RGP1: variants seen among roughly 807,000 people sequenced by gnomAD.
The protein encoded by RGP1 is RAB6A-GEF complex partner protein 2.
In RGP1, 28 loss-of-function variants were observed where a neutral mutation model predicts 44.5. The ratio of observed to expected loss-of-function variants is 0.63; its 90% CI spans 0.47 to 0.86. The LOEUF (loss-of-function observed/expected upper bound fraction) is 0.86. RGP1 is among the 40% of genes least tolerant of loss of function. The pLI, the probability that RGP1 is intolerant of heterozygous loss-of-function variation, is 0.00. For missense variants in RGP1, 417 were observed against 490.7 expected (o/e 0.85, Z 1.42); for synonymous variants, 212 against 196.7 (o/e 1.08, Z -0.65).
At chr9:35,751,213 A>C (rs1827256721) in intron 5 of RGP1, 53 bp from the exon 6 acceptor site, 1 of 1,599,934 alleles carries the variant, frequency 6.3e-7, no homozygotes, top group African/African-American at 1.3e-5. Flanking sequence ...CCTAACCTCT[A>C]CTCTCATCTC....
the RGP1 span, among the ~76,000 whole-genome samples, chr9:35,776,776 A>G: frequency 6.6e-6 from 1 of 151,850 alleles, no homozygotes; most frequent in Non-Finnish European, 1.5e-5. Flanking sequence ...TGAGCAGATC[A>G]TGAGGTCAGG....
chr9:35,760,247 C>A (rs1424456756), downstream of RGP1, among the ~76,000 whole-genome samples: 1 of 151,576 alleles, frequency 6.6e-6, no homozygotes, highest in East Asian at 1.9e-4. Context: ...TGGATTGGGG[C>A]TGATGGGCGG....
chr9:35,751,420 T>C lies in RGP1; in HGVS notation c.634+8T>C, dbSNP rs1827262275. 6.2e-7 allele frequency: 1 copy of C among 1,613,982 alleles called. No homozygotes were observed. Among genetic ancestry groups the C allele is most frequent in the Admixed American group, 1.7e-5 (1 of 60,020 alleles). ...CATCCTGCCGCAGCCTCCGTGAGAA[T>C]TCTTTCAGAATTGTCCTACCCCATC... On this transcript the variant is annotated splice_region_variant and intron_variant, in intron 6 of 8. Transcript: ENST00000378078.
the RGP1 span, among the ~76,000 whole-genome samples, chr9:35,787,452 A>G: frequency 6.6e-6 from 1 of 151,574 alleles, no homozygotes; most frequent in South Asian, 2.1e-4. Context: ...CTGATCTTGA[A>G]CTCCTTACCT....
At chr9:35,784,965 G>A in the RGP1 span, among the ~76,000 whole-genome samples, 1 of 152,080 alleles carries the variant, frequency 6.6e-6, no homozygotes, top group African/African-American at 2.4e-5. Context: ...GGATATGGTG[G>A]GGAAAGACAG....
In RGP1 at chr9:35,749,879, T is replaced by A. The variant is rs762560122; in HGVS notation, c.116+8T>A. The A allele has an allele frequency of 1.9e-6, 3 of 1,594,136 alleles. No individual in the cohort carries two copies. In the South Asian group the frequency reaches 3.3e-5, roughly 18 times the overall value. ...GGCCACTTCTGCATCCAGGTGGGGATGCTGGCACTGAAGGTGGTGGCCCTT... is the reference window on the plus strand; with the variant it reads ...GGCCACTTCTGCATCCAGGTGGGGAAGCTGGCACTGAAGGTGGTGGCCCTT... On this transcript the variant is annotated splice_region_variant and intron_variant, in intron 2 of 8. Transcript: ENST00000378078. The surrounding 1 kb of genome is among the most constrained non-coding windows in gnomAD (Gnocchi z 4.4).
At chr9:35,780,409 G>A in the RGP1 span, 1 of 152,212 alleles carries the variant, frequency 6.6e-6, no homozygotes, top group Non-Finnish European at 1.5e-5. Flanking sequence ...AGGTACAAAG[G>A]AGACATTTGT....
intron 8 of RGP1, 106 bp downstream of exon 8, chr9:35,752,251 C>A: frequency 1.8e-6 from 2 of 1,114,058 alleles, no homozygotes; most frequent in Non-Finnish European, 2.5e-6. Context: ...CCAGACATAC[C>A]CACGTCTAGC....
the RGP1 span, among the ~76,000 whole-genome samples, chr9:35,770,837 TAATA>T: frequency 6.6e-6 from 1 of 152,188 alleles, no homozygotes; most frequent in Non-Finnish European, 1.5e-5. Flanking sequence ...AGCATCTCCC[TAATA>T]AATAGAGCAG....
the RGP1 span, among the ~76,000 whole-genome samples, chr9:35,763,812 A>G: frequency 7.1e-6 from 1 of 139,914 alleles, no homozygotes; most frequent in African/African-American, 2.6e-5. Context: ...AACCTGGGAG[A>G]TGGAGATTGC....
chr9:35,782,210 A>G, the RGP1 span, among the ~76,000 whole-genome samples: 3 of 152,054 alleles, frequency 2.0e-5, no homozygotes, highest in Non-Finnish European at 2.9e-5. Context: ...AATTATGTGT[A>G]GAGATAGGTT....
chr9:35,768,702 T>G, the RGP1 span, among the ~76,000 whole-genome samples: 2 of 152,108 alleles, frequency 1.3e-5, no homozygotes, highest in Non-Finnish European at 2.9e-5. Context: ...GGCCTGGAGA[T>G]CTTAAGAAGC....
Position 35,753,280 on chromosome 9 carries a change from C to A in RGP1, c.*406C>A. 4 of 1,613,082 alleles carry A rather than the reference C, an allele frequency of 2.5e-6. No individual in the cohort carries two copies. Among genetic ancestry groups the A allele is most frequent in the Non-Finnish European group, 3.4e-6 (4 of 1,179,862 alleles). On this transcript the variant is annotated 3_prime_UTR_variant, in exon 9 of 9. Coordinates refer to ENST00000378078, the MANE Select transcript of RGP1 (RefSeq NM_001080496.3). This position sits in a 1 kb window ranked among gnomAD's most constrained non-coding sequence, Gnocchi z 4.2. ...CCGGGAAGTCGATGGGATGCTGGGA[C>A]CTGGGGAACCAAGGATAGGGGAAGG...
At chr9:35,770,666 G>C in the RGP1 span, among the ~76,000 whole-genome samples, 1 of 152,198 alleles carries the variant, frequency 6.6e-6, no homozygotes, top group Non-Finnish European at 1.5e-5. Flanking sequence ...AACCTGGACA[G>C]TGTGGTGTCA....
rs770459283 is a variant in RGP1, at chr9:35,750,374, A to G, written c.248A>G (p.His83Arg). 1.2e-6 allele frequency: 2 copies of G among 1,613,720 alleles called. No homozygotes were observed. Among genetic ancestry groups the G allele is most frequent in the African/African-American group, 2.7e-5 (2 of 74,892 alleles). The stretch of plus-strand genomic sequence containing the variant: ...GACAGCCAGACTGTCTTTCTGCCAC[A>G]CCGAGGTTAGAGAGGGGCATTTGCC... ...QPDSQTVFLP[H>R]RGERGQCILS... The change falls in exon 3 of 9, where the codon CAC (histidine) becomes CGC (arginine). Residue 83 changes from histidine (H) to arginine (R), a missense_variant. By Grantham distance (29) the His-to-Arg change is conservative. Transcript: ENST00000378078.
At chr9:35,752,402 C>G (rs1827282292) in intron 8 of RGP1, among the ~76,000 whole-genome samples, 1 of 152,204 alleles carries the variant, frequency 6.6e-6, no homozygotes, top group Admixed American at 6.5e-5. Context: ...TTTTTGATTA[C>G]TTCATGCTAC....
the RGP1 span, among the ~76,000 whole-genome samples, chr9:35,768,047 C>T: frequency 6.6e-5 from 10 of 152,010 alleles, no homozygotes; most frequent in East Asian, 9.7e-4. Flanking sequence ...GTGATCTGCC[C>T]GCCTCAGCCT....
chr9:35,759,705 G>A (rs576694021), downstream of RGP1, among the ~76,000 whole-genome samples: 11 of 151,794 alleles, frequency 7.2e-5, 1 homozygote, highest in South Asian at 1.9e-3. Context: ...ACCTATCTTG[G>A]GGGTGATTAG....
the RGP1 span, among the ~76,000 whole-genome samples, chr9:35,763,963 G>A: frequency 6.6e-6 from 1 of 151,346 alleles, no homozygotes; most frequent in South Asian, 2.1e-4. Context: ...AAGAGAGATT[G>A]AGAAAGGAGA....
Sources: gnomAD v4.1 joint callset for allele counts (sites outside exome capture counted in the v4.1 genomes callset) on GRCh38, gnomAD v4.1.1 for gene constraint, Gnocchi (gnomAD v3.1) non-coding constraint, MANE v1.5 for transcripts, NCBI Gene and HGNC (gene_info 2026-07-23, HGNC 2026-07-21) for gene names.